The following AZIN2 variants were observed in gnomAD, a reference collection of about 807,000 sequenced individuals.
The protein encoded by AZIN2 is ODC antizyme inhibitor-2.
AZIN2 carries 28 observed loss-of-function variants against 47.8 expected under a neutral mutation model. That is an observed-to-expected ratio of 0.59 (90% confidence interval 0.43 to 0.80). The LOEUF (loss-of-function observed/expected upper bound fraction) is 0.80, where lower values mean the gene tolerates loss of function less well. Ranked by LOEUF, AZIN2 falls within the 30% of genes least tolerant of loss-of-function variation. The probability of loss-of-function intolerance (pLI) is 0.00; values close to 1 mark genes in which losing one functional copy is unlikely to be tolerated. For missense variants in AZIN2, 535 were observed against 582.5 expected (o/e 0.92, Z 0.84); for synonymous variants, 221 against 239.4 (o/e 0.92, Z 0.71).
intron 5 of AZIN2, 112 bp from the exon 6 acceptor site, chr1:33,091,938 G>A (rs1642594601): frequency 8.7e-7 from 1 of 1,148,254 alleles, no homozygotes; most frequent in East Asian, 2.4e-5. Flanking sequence ...AAGGCCCACT[G>A]TTATGGGCCT....
intron 7 of AZIN2, among the ~76,000 whole-genome samples, chr1:33,093,841 T>G (rs1642849515): frequency 6.6e-6 from 1 of 151,028 alleles, no homozygotes; most frequent in South Asian, 2.1e-4. Flanking sequence ...AGCAATTCTC[T>G]CTCCCGCCTC....
the AZIN2 span, among the ~76,000 whole-genome samples, chr1:33,149,889 T>C: frequency 1.3e-5 from 2 of 152,308 alleles, no homozygotes; most frequent in South Asian, 4.1e-4. Flanking sequence ...CTCCCTTGTG[T>C]GTCCAGAGCC....
chr1:33,098,008 C>A, intron 9 of AZIN2, 59 bp from the exon 10 acceptor site: 1 of 1,288,302 alleles, frequency 7.8e-7, no homozygotes, highest in South Asian at 1.2e-5. Flanking sequence ...TTGTGTCAGC[C>A]CCACTACCAC....
the AZIN2 span, chr1:33,159,960 G>A: frequency 2.8e-5 from 44 of 1,595,598 alleles, no homozygotes; most frequent in African/African-American, 2.3e-4. The surrounding 1 kb of genome is among the most constrained non-coding windows in gnomAD (Gnocchi z 4.2). Context: ...GGGGACAGTC[G>A]TCAGGGGTTA....
At position 33,093,422 on chromosome 1, in the gene AZIN2, C is replaced by T; in HGVS notation, c.587+6C>T. 2 of 1,612,280 alleles carry T rather than the reference C, an allele frequency of 1.2e-6. No homozygotes were observed. Among genetic ancestry groups the T allele is most frequent in the Non-Finnish European group, 8.5e-7 (1 of 1,178,944 alleles). On this transcript the variant is annotated splice_donor_region_variant and intron_variant, in intron 7 of 11. Coordinates refer to ENST00000294517, the MANE Select transcript of AZIN2 (RefSeq NM_052998.4). The stretch of plus-strand genomic sequence containing the variant: ...GTGGAGGTGGTGGGTGTGAGGTGAG[C>T]ACTGGGAACCCCTGCCATCCCCTCC...
intron 11 of AZIN2, 22 bp from the exon 12 acceptor site, chr1:33,120,022 A>G: frequency 6.2e-7 from 1 of 1,613,206 alleles, no homozygotes; most frequent in Non-Finnish European, 8.5e-7. Flanking sequence ...GGCTACTTGC[A>G]GCACCCCTCT....
chr1:33,086,041 T>C (rs1306086756), intron 5 of AZIN2, among the ~76,000 whole-genome samples: 1 of 152,040 alleles, frequency 6.6e-6, no homozygotes, highest in East Asian at 1.9e-4. Flanking sequence ...GGGAGGAGCT[T>C]GGTTCTGTAG....
chr1:33,138,526 A>G, the AZIN2 span, among the ~76,000 whole-genome samples: 2 of 151,876 alleles, frequency 1.3e-5, no homozygotes, highest in East Asian at 1.9e-4. Context: ...AGCACGCCCA[A>G]TAATAGTCCT....
chr1:33,133,105 G>A, the AZIN2 span, among the ~76,000 whole-genome samples: 1 of 152,192 alleles, frequency 6.6e-6, no homozygotes, highest in African/African-American at 2.4e-5. Flanking sequence ...CTGTGGGGTC[G>A]AGGGCAGCCT....
At chr1:33,125,727 C>T (rs1175908484), downstream of AZIN2, among the ~76,000 whole-genome samples, 2 of 151,172 alleles carry the variant, frequency 1.3e-5, no homozygotes, top group Non-Finnish European at 2.9e-5. Context: ...TCTTGTTCAT[C>T]ACACGCCCTT....
chr1:33,120,045 G>A lies in AZIN2; in HGVS notation c.1246G>A (p.Glu416Lys). The A allele has an allele frequency of 1.2e-6, 2 of 1,613,808 alleles. No homozygotes were observed. Among genetic ancestry groups the A allele is most frequent in the Non-Finnish European group, 1.7e-6 (2 of 1,179,964 alleles). ...GCAGCACCCCTCTCTCACCCCTAGG[G>A]AAGCGCTGCGAAGGCAGCTGATGGC... ...ITYAMSRVAW[E>K]ALRRQLMAAE... Residue 416 changes from glutamate to lysine, a missense_variant and splice_region_variant, in exon 12 of 12, where the codon GAA becomes AAA. By Grantham distance (56) the Glu-to-Lys change is moderately conservative. This residue lies in a region of AZIN2 where 122 missense variants were observed against 135.8 expected (regional missense o/e 0.90). Coordinates refer to ENST00000294517, the MANE Select transcript of AZIN2 (RefSeq NM_052998.4).
chr1:33,144,301 C>T, the AZIN2 span, among the ~76,000 whole-genome samples: 2 of 152,158 alleles, frequency 1.3e-5, no homozygotes, highest in Non-Finnish European at 2.9e-5. Context: ...CCACACCCGG[C>T]TAATTTTGTA....
At chr1:33,118,144 G>A (rs755769562) in intron 11 of AZIN2, 28 bp downstream of exon 11, 2 of 1,503,132 alleles carry the variant, frequency 1.3e-6, no homozygotes, top group Non-Finnish European at 1.8e-6. Flanking sequence ...GAAAATGGGG[G>A]TATGGGGAGG....
chr1:33,120,481 C>G lies in AZIN2; in HGVS notation c.*299C>G. 2.8e-6 allele frequency: 1 copy of G among 358,128 alleles called. No homozygotes were observed. Among genetic ancestry groups the G allele is most frequent in the Non-Finnish European group, 5.1e-6 (1 of 197,652 alleles). 22.2% of individuals were successfully genotyped at this position (358,128 alleles called of 1,614,324 possible). On this transcript the variant is annotated 3_prime_UTR_variant, in exon 12 of 12. Coordinates refer to ENST00000294517, the MANE Select transcript of AZIN2 (RefSeq NM_052998.4). ...GGGTCTCCTTTGGTCTCCTTCCCACCTTTGTAAATATAATGCAAATAAATA... is the reference window on the plus strand; with the variant it reads ...GGGTCTCCTTTGGTCTCCTTCCCACGTTTGTAAATATAATGCAAATAAATA...
intron 10 of AZIN2, among the ~76,000 whole-genome samples, chr1:33,105,598 A>G (rs77234451): frequency 0.019 from 2,896 of 152,256 alleles, 79 homozygotes; most frequent in East Asian, 0.079. Flanking sequence ...ATCAGCTCTC[A>G]TGAGAACTCC....
the AZIN2 span, among the ~76,000 whole-genome samples, chr1:33,132,622 A>G: frequency 1.2e-4 from 18 of 152,134 alleles, no homozygotes; most frequent in Non-Finnish European, 2.4e-4. Context: ...CTATGCTCCC[A>G]CAGACCCCTG....
rs529441441 is a variant in AZIN2, at chr1:33,121,360, C to G, written c.*1178C>G. On this transcript the variant is annotated 3_prime_UTR_variant, in exon 12 of 12. Coordinates refer to ENST00000294517, the MANE Select transcript of AZIN2 (RefSeq NM_052998.4). ...AGGTGATCACCTGAGGTCAGGAGTT[C>G]GAGACCAGCCTGGCCAACATGGCAA... Among the ~76,000 whole-genome samples, 2 of 152,180 alleles carry G rather than the reference C, an allele frequency of 1.3e-5. No homozygotes were observed. The highest frequency in any genetic ancestry group is 4.2e-4 in the South Asian group (2 of 4,808).
chr1:33,099,742 G>T (rs575429311), intron 10 of AZIN2, among the ~76,000 whole-genome samples: 1 of 152,170 alleles, frequency 6.6e-6, no homozygotes, highest in Non-Finnish European at 1.5e-5. Context: ...ACGATGCTGC[G>T]GTTTCTTCCT....
chr1:33,093,444 C>T lies in AZIN2; in HGVS notation c.587+28C>T, dbSNP rs781124029. 1.0e-5 allele frequency: 16 copies of T among 1,607,392 alleles called. No homozygotes were observed. The African/African-American group carries it at 1.3e-4, about 13-fold the overall frequency. ...GAGCACTGGGAACCCCTGCCATCCCCTCCCACACCAGGCTCCCTGCCTCTT... is the reference window on the plus strand; with the variant it reads ...GAGCACTGGGAACCCCTGCCATCCCTTCCCACACCAGGCTCCCTGCCTCTT... On this transcript the variant is annotated intron_variant, in intron 7 of 11. Coordinates refer to ENST00000294517, the MANE Select transcript of AZIN2 (RefSeq NM_052998.4).
Sources: gnomAD v4.1 joint callset for allele counts (sites outside exome capture counted in the v4.1 genomes callset) on GRCh38, gnomAD v4.1.1 for gene constraint, gnomAD v4.1.1 regional missense constraint, Gnocchi (gnomAD v3.1) non-coding constraint, MANE v1.5 for transcripts, NCBI Gene and HGNC (gene_info 2026-07-23, HGNC 2026-07-21) for gene names.